NAALADL2: variants seen among roughly 807,000 people sequenced by gnomAD.
NAALADL2 encodes the protein N-acetylated alpha-linked acidic dipeptidase like 2.
Under a neutral mutation model 87.2 loss-of-function variants are expected in NAALADL2, and 76 were observed. The ratio of observed to expected loss-of-function variants is 0.87; its 90% CI spans 0.72 to 1.05. NAALADL2 has a LOEUF of 1.05. NAALADL2 is among the 50% of genes least tolerant of loss of function. The pLI, the probability that NAALADL2 is intolerant of heterozygous loss-of-function variation, is 0.00. For missense variants in NAALADL2, 1,089 were observed against 945.8 expected (o/e 1.15, Z -1.99); for synonymous variants, 354 against 331.0 (o/e 1.07, Z -0.75).
chr3:175,087,577 GC>G (rs1719264877), intron 1 of NAALADL2, among the ~76,000 whole-genome samples: 1 of 152,154 alleles, frequency 6.6e-6, no homozygotes, highest in African/African-American at 2.4e-5. Flanking sequence ...AAATTCTTCT[GC>G]CTTGGGATGC....
intron 13 of NAALADL2, among the ~76,000 whole-genome samples, chr3:175,780,064 C>T (rs1046812423): frequency 4.6e-5 from 7 of 151,272 alleles, no homozygotes; most frequent in Admixed American, 2.0e-4. Flanking sequence ...GTCAGTAGAT[C>T]GAGACCATCC....
At chr3:174,609,946 G>C (rs1350253002) in intron 2 of NAALADL2, among the ~76,000 whole-genome samples, 1 of 152,072 alleles carries the variant, frequency 6.6e-6, no homozygotes, top group Non-Finnish European at 1.5e-5. Flanking sequence ...AAACAGCATG[G>C]TACTGGTACC....
chr3:175,002,801 A>G lies in NAALADL2; in HGVS notation c.44-93989A>G, dbSNP rs74493478. Among the ~76,000 whole-genome samples the G allele has an allele frequency of 4.0e-3, 615 of 152,352 alleles. 12 individuals carry two copies. The highest frequency in any genetic ancestry group is 0.025 in the East Asian group (130 of 5,194). ...TTTGGTATTATTGCCCTGGAAAGAC[A>G]CTAACTACAGCTGATGAAACAGTTT... On this transcript the variant is annotated intron_variant, in intron 1 of 13. Coordinates refer to ENST00000454872, the MANE Select transcript of NAALADL2 (RefSeq NM_207015.3).
intron 1 of NAALADL2, among the ~76,000 whole-genome samples, chr3:174,510,250 G>A (rs1719512346): frequency 6.6e-6 from 1 of 152,128 alleles, no homozygotes; most frequent in Middle Eastern, 3.4e-3. Context: ...TTCATCATAC[G>A]AGTTGGGAAA....
intron 1 of NAALADL2, among the ~76,000 whole-genome samples, chr3:174,990,180 A>G (rs1746522246): frequency 6.6e-6 from 1 of 152,174 alleles, no homozygotes; most frequent in Non-Finnish European, 1.5e-5. Flanking sequence ...CCTCCATTAG[A>G]TCCTCATACC....
chr3:175,004,101 A>T (rs1748663682), intron 1 of NAALADL2, among the ~76,000 whole-genome samples: 1 of 152,114 alleles, frequency 6.6e-6, no homozygotes, highest in Admixed American at 6.6e-5. Flanking sequence ...ATTGGCCAGG[A>T]ATGGTAGCTA....
At chr3:174,456,334 T>G (rs1715828403) in intron 1 of NAALADL2, among the ~76,000 whole-genome samples, 1 of 147,804 alleles carries the variant, frequency 6.8e-6, no homozygotes. Context: ...ACCAATGACA[T>G]TCTTCACACA....
intron 12 of NAALADL2, among the ~76,000 whole-genome samples, chr3:175,749,344 T>C (rs1218189297): frequency 6.6e-6 from 1 of 152,122 alleles, no homozygotes; most frequent in Non-Finnish European, 1.5e-5. Flanking sequence ...ATTGTCTTAG[T>C]TCATTTTGTG....
At chr3:174,694,130 A>T (rs1728822664) in intron 2 of NAALADL2, among the ~76,000 whole-genome samples, 1 of 152,120 alleles carries the variant, frequency 6.6e-6, no homozygotes, top group Non-Finnish European at 1.5e-5. Context: ...TATCTTGCAC[A>T]AATGCCAACT....
At chr3:175,487,590 G>T in intron 9 of NAALADL2, 1 of 453,680 alleles carries the variant, frequency 2.2e-6, no homozygotes, top group East Asian at 7.0e-5. Context: ...TATATGAAGA[G>T]AATTCTTCCT....
intron 4 of NAALADL2, among the ~76,000 whole-genome samples, chr3:175,309,608 T>G (rs1015456418): frequency 1.4e-5 from 2 of 143,682 alleles, no homozygotes; most frequent in Non-Finnish European, 3.0e-5. Flanking sequence ...AGGATAACTG[T>G]TTTTTTTTTC....
chr3:175,663,520 C>A (rs1732560072), intron 11 of NAALADL2, among the ~76,000 whole-genome samples: 1 of 147,704 alleles, frequency 6.8e-6, no homozygotes, highest in Non-Finnish European at 1.5e-5. Flanking sequence ...TTTTGGTAAT[C>A]TTTTCTAATT....
chr3:175,682,145 T>C (rs904920912), intron 11 of NAALADL2, among the ~76,000 whole-genome samples: 1 of 151,906 alleles, frequency 6.6e-6, no homozygotes, highest in African/African-American at 2.4e-5. Flanking sequence ...TAAAACAAAA[T>C]CTTTGCACAC....
chr3:175,389,828 C>T (rs1033616281), intron 5 of NAALADL2, among the ~76,000 whole-genome samples: 1 of 152,032 alleles, frequency 6.6e-6, no homozygotes, highest in African/African-American at 2.4e-5. Flanking sequence ...CACAGTGGCT[C>T]CAGGGGAGAG....
At chr3:174,751,874 G>T (rs1734859354) in intron 3 of NAALADL2, among the ~76,000 whole-genome samples, 1 of 152,100 alleles carries the variant, frequency 6.6e-6, no homozygotes, top group South Asian at 2.1e-4. Context: ...GTGTGTGTGT[G>T]TGCGCGTGCG....
intron 3 of NAALADL2, among the ~76,000 whole-genome samples, chr3:174,749,208 A>G (rs1243892033): frequency 2.0e-5 from 3 of 152,098 alleles, no homozygotes; most frequent in African/African-American, 4.8e-5. Context: ...GTATCTTTCC[A>G]TATGTCATTA....
chr3:175,169,335 C>G (rs1734445089), intron 2 of NAALADL2, among the ~76,000 whole-genome samples: 1 of 151,310 alleles, frequency 6.6e-6, no homozygotes, highest in South Asian at 2.1e-4. Flanking sequence ...GGACAGCTAG[C>G]TTTAAGTTCT....
intron 3 of NAALADL2, among the ~76,000 whole-genome samples, chr3:174,843,683 T>A (rs996140886): frequency 6.6e-6 from 1 of 152,136 alleles, no homozygotes; most frequent in Non-Finnish European, 1.5e-5. Context: ...CCTTTCTCCA[T>A]ATCCTGTCTG....
chr3:175,610,598 C>A (rs888633449), intron 10 of NAALADL2, among the ~76,000 whole-genome samples: 2 of 152,040 alleles, frequency 1.3e-5, no homozygotes, highest in Non-Finnish European at 2.9e-5. Flanking sequence ...TGTAAAAATT[C>A]TATCAAATAT....
Sources: allele counts gnomAD v4.1 joint callset (sites outside exome capture counted in the v4.1 genomes callset), GRCh38; gene constraint gnomAD v4.1.1; transcripts MANE v1.5; gene names NCBI Gene and HGNC (gene_info 2026-07-23, HGNC 2026-07-21).